Variants in MUCL1 observed in about 807,000 individuals in gnomAD.
The protein encoded by MUCL1 is mucin-like protein 1.
MUCL1 carries 11 observed loss-of-function variants against 9.2 expected under a neutral mutation model. The ratio of observed to expected loss-of-function variants is 1.19; its 90% CI spans 0.75 to 1.97. The LOEUF is 1.97. MUCL1 is among the 30% of genes most tolerant of loss of function. The pLI, the probability that MUCL1 is intolerant of heterozygous loss-of-function variation, is 0.00. For synonymous variants in MUCL1, 48 were observed against 40.5 expected (o/e 1.19, Z -0.71); for missense variants, 144 against 110.9 (o/e 1.30, Z -1.34).
At chr12:54,847,988 C>T (rs1467689214) in intron 1 of MUCL1, among the ~76,000 whole-genome samples, 1 of 150,392 alleles carries the variant, frequency 6.6e-6, no homozygotes, top group Non-Finnish European at 1.5e-5. Flanking sequence ...AATCCTGTTT[C>T]ATCTCCCATC....
intron 1 of MUCL1, among the ~76,000 whole-genome samples, chr12:54,832,416 C>A (rs1014035514): frequency 2.6e-5 from 4 of 151,936 alleles, no homozygotes; most frequent in African/African-American, 9.7e-5. Context: ...GAATAATTTC[C>A]TCTGTTTTAT....
At chr12:54,854,361 T>C (rs1191875430), upstream of MUCL1, among the ~76,000 whole-genome samples, 1 of 152,170 alleles carries the variant, frequency 6.6e-6, no homozygotes, top group East Asian at 1.9e-4. Flanking sequence ...ATGATTTGAA[T>C]TCACAACCTT....
chr12:54,852,572 T>C (rs1306722934), upstream of MUCL1, among the ~76,000 whole-genome samples: 2 of 152,226 alleles, frequency 1.3e-5, no homozygotes, highest in African/African-American at 4.8e-5. Context: ...TCCTGTTTAA[T>C]CCACTGTGCA....
At chr12:54,843,254 T>A (rs572083444) in intron 1 of MUCL1, among the ~76,000 whole-genome samples, 1 of 152,284 alleles carries the variant, frequency 6.6e-6, no homozygotes, top group South Asian at 2.1e-4. Flanking sequence ...GTCTTTGGTA[T>A]GATGTTTGCT....
upstream of MUCL1, among the ~76,000 whole-genome samples, chr12:54,854,036 G>A (rs1868277864): frequency 6.6e-6 from 1 of 151,332 alleles, no homozygotes; most frequent in East Asian, 2.0e-4. Flanking sequence ...TACATGTTCA[G>A]GAGGGAGGCC....
At chr12:54,830,861 G>A (rs897228248) in exon 1 of MUCL1, 2 of 152,198 alleles carry the variant, frequency 1.3e-5, no homozygotes, top group Admixed American at 6.5e-5. Flanking sequence ...CAGACTGGAT[G>A]TTTTGTACAC....
At chr12:54,855,236 C>G in intron 2 of MUCL1, 79 bp downstream of exon 2, 1 of 1,266,560 alleles carries the variant, frequency 7.9e-7, no homozygotes, top group Non-Finnish European at 1.2e-6. Context: ...CAGCCAGTTT[C>G]CATGTGGATA....
At chr12:54,843,008 T>C (rs1358458090) in intron 1 of MUCL1, among the ~76,000 whole-genome samples, 1 of 152,190 alleles carries the variant, frequency 6.6e-6, no homozygotes, top group African/African-American at 2.4e-5. Context: ...GTATTCAGTG[T>C]AGAAACATGC....
upstream of MUCL1, among the ~76,000 whole-genome samples, chr12:54,851,798 A>T (rs1220506279): frequency 6.6e-6 from 1 of 152,228 alleles, no homozygotes; most frequent in Non-Finnish European, 1.5e-5. Flanking sequence ...GCTGATAAGC[A>T]ACTTCAGCAA....
At chr12:54,833,108 C>T (rs1306747367) in intron 1 of MUCL1, among the ~76,000 whole-genome samples, 1 of 152,052 alleles carries the variant, frequency 6.6e-6, no homozygotes, top group Non-Finnish European at 1.5e-5. Context: ...GCTCATTTGA[C>T]TTTCCTTAGA....
At chr12:54,840,933 G>A (rs941486457) in intron 1 of MUCL1, among the ~76,000 whole-genome samples, 1 of 152,146 alleles carries the variant, frequency 6.6e-6, no homozygotes, top group Admixed American at 6.5e-5. Flanking sequence ...ACTGCCCCAT[G>A]CCATAAACCC....
upstream of MUCL1, among the ~76,000 whole-genome samples, chr12:54,837,625 C>T (rs920408889): frequency 5.3e-5 from 8 of 151,934 alleles, no homozygotes; most frequent in Admixed American, 2.6e-4. Flanking sequence ...AAAAATTAGC[C>T]GGGCGTGGTG....
At chr12:54,851,467 G>A (rs1221710579), upstream of MUCL1, among the ~76,000 whole-genome samples, 1 of 152,114 alleles carries the variant, frequency 6.6e-6, no homozygotes, top group Non-Finnish European at 1.5e-5. Flanking sequence ...AACCCTTCGT[G>A]CTAAAAACTC....
At chr12:54,851,785 TA>T (rs532128866), upstream of MUCL1, among the ~76,000 whole-genome samples, 174 of 152,306 alleles carry the variant, frequency 1.1e-3, 1 homozygote, top group African/African-American at 4.2e-3. Flanking sequence ...CAAATCTCCT[TA>T]AGCTGATAAG....
chr12:54,840,148 A>G (rs1959202698), intron 1 of MUCL1, among the ~76,000 whole-genome samples: 1 of 152,172 alleles, frequency 6.6e-6, no homozygotes, highest in South Asian at 2.1e-4. Context: ...AATGTCTGCA[A>G]GGAATCCAGT....
At chr12:54,839,482 TCC>T (rs1415105769) in intron 1 of MUCL1, 3 of 701,290 alleles carry the variant, frequency 4.3e-6, no homozygotes, top group Non-Finnish European at 5.2e-6. Flanking sequence ...TGGACAGAGA[TCC>T]CAGCCTTGAC....
At chr12:54,840,336 C>T (rs548054918) in intron 1 of MUCL1, among the ~76,000 whole-genome samples, 3 of 152,298 alleles carry the variant, frequency 2.0e-5, no homozygotes, top group African/African-American at 7.2e-5. Flanking sequence ...GACTCAGGAC[C>T]TCCTGCTCAG....
chr12:54,840,902 A>T (rs1287034360), intron 1 of MUCL1, among the ~76,000 whole-genome samples: 2 of 152,176 alleles, frequency 1.3e-5, no homozygotes, highest in African/African-American at 4.8e-5. Flanking sequence ...GCTTCCAGGT[A>T]GTCTGTGCTC....
rs771221611 is a variant in MUCL1 at position 54,858,269 on chromosome 12, A to G, written c.*27A>G. Reference sequence around the variant, plus strand: ...ATGGAATCAGCTTGAGTCTTCTGCAATTGGTCACAACTATTCATGCTTCCT... The same window carrying G: ...ATGGAATCAGCTTGAGTCTTCTGCAGTTGGTCACAACTATTCATGCTTCCT... On this transcript the variant is annotated 3_prime_UTR_variant, in exon 4 of 4. Transcript: ENST00000308796. 9 of 1,612,930 alleles carry G rather than the reference A, an allele frequency of 5.6e-6. No individual in the cohort carries two copies. Among genetic ancestry groups the G allele is most frequent in the Middle Eastern group, 1.6e-4 (1 of 6,076 alleles).
Sources: allele counts gnomAD v4.1 joint callset (sites outside exome capture counted in the v4.1 genomes callset), GRCh38; gene constraint gnomAD v4.1.1; transcripts MANE v1.5; gene names NCBI Gene and HGNC (gene_info 2026-07-23, HGNC 2026-07-21).